GDPD4: variants seen among roughly 807,000 people sequenced by gnomAD.
GDPD4 encodes glycerophosphodiester phosphodiesterase 6.
A neutral mutation model predicts 67.8 loss-of-function variants in GDPD4; 60 were observed. The observed-to-expected ratio is 0.88, with a 90% confidence interval of 0.72 to 1.10. The LOEUF is 1.10. Ranked by LOEUF, GDPD4 falls within the 50% of genes least tolerant of loss-of-function variation. The pLI is 0.00. For missense variants in GDPD4, 623 were observed against 613.9 expected (o/e 1.01, Z -0.16); for synonymous variants, 212 against 210.9 (o/e 1.00, Z -0.04).
chr11:77,232,971 G>C (rs1958480896), intron 14 of GDPD4, 54 bp downstream of exon 14: 2 of 1,574,130 alleles, frequency 1.3e-6, no homozygotes, highest in South Asian at 2.2e-5. Flanking sequence ...GGGCTGGGGG[G>C]CCTGCACTGC....
intron 1 of GDPD4, among the ~76,000 whole-genome samples, chr11:77,300,827 T>C (rs929863931): frequency 6.6e-6 from 1 of 152,102 alleles, no homozygotes; most frequent in Non-Finnish European, 1.5e-5. Flanking sequence ...AAAATCACAA[T>C]GGAAATGAGA....
chr11:77,249,595 G>A (rs369467513), intron 11 of GDPD4, among the ~76,000 whole-genome samples: 97 of 152,256 alleles, frequency 6.4e-4, no homozygotes, highest in African/African-American at 2.2e-3. Flanking sequence ...AGACACAGGT[G>A]AAAGGAGATG....
chr11:77,245,478 G>C lies in GDPD4; in HGVS notation c.889C>G (p.Pro297Ala). ...CTTTCTTTATCTGCCTCTGATAGAGGTTTCATATTGTAAAATGGCCTGAGC... is the reference window on the plus strand; with the variant it reads ...CTTTCTTTATCTGCCTCTGATAGAGCTTTCATATTGTAAAATGGCCTGAGC... ...PELRPFYNMKPLSEADKERAR... is the reference protein window; with the variant it reads ...PELRPFYNMKALSEADKERAR... Residue 297 changes from proline (P) to alanine (A), a missense_variant, in exon 12 of 17, where the codon CCT becomes GCT. By Grantham distance (27) the Pro-to-Ala change is conservative. Transcript: ENST00000315938. The C allele has an allele frequency of 6.2e-7, 1 of 1,613,530 alleles. No individual in the cohort carries two copies. Among genetic ancestry groups the C allele is most frequent in the Non-Finnish European group, 8.5e-7 (1 of 1,179,532 alleles).
At chr11:77,221,836 A>G (rs564605893) in intron 16 of GDPD4, among the ~76,000 whole-genome samples, 1 of 117,944 alleles carries the variant, frequency 8.5e-6, no homozygotes, top group Admixed American at 9.1e-5. Flanking sequence ...GTGGGGTGTT[A>G]AAGTCTCCCA....
intron 3 of GDPD4, among the ~76,000 whole-genome samples, chr11:77,280,992 A>C (rs1959730116): frequency 6.6e-6 from 1 of 152,188 alleles, no homozygotes; most frequent in South Asian, 2.1e-4. Flanking sequence ...ACTCTATGTG[A>C]ATGTGTCCAA....
chr11:77,296,102 T>A (rs1937946861), intron 1 of GDPD4, among the ~76,000 whole-genome samples: 1 of 151,276 alleles, frequency 6.6e-6, no homozygotes, highest in African/African-American at 2.4e-5. Flanking sequence ...ATACAAAAAA[T>A]TAGCCAGGCA....
chr11:77,227,954 TA>T, intron 15 of GDPD4, 38 bp from the exon 16 acceptor site: 1 of 1,380,384 alleles, frequency 7.2e-7, no homozygotes, highest in Non-Finnish European at 1.0e-6. Flanking sequence ...TGAAGGGGTC[TA>T]AAGAATCATG....
intron 11 of GDPD4, among the ~76,000 whole-genome samples, chr11:77,257,020 A>T (rs1190599414): frequency 2.0e-5 from 3 of 152,206 alleles, no homozygotes; most frequent in African/African-American, 7.2e-5. Flanking sequence ...AACATGATCA[A>T]ACGGCCCTCA....
At chr11:77,285,825 A>G (rs1388527880) in intron 2 of GDPD4, among the ~76,000 whole-genome samples, 2 of 152,188 alleles carry the variant, frequency 1.3e-5, no homozygotes, top group Non-Finnish European at 2.9e-5. Flanking sequence ...CAGGGGCAGG[A>G]CTAGAACCCA....
intron 13 of GDPD4, among the ~76,000 whole-genome samples, chr11:77,239,531 T>C (rs1958624624): frequency 6.6e-6 from 1 of 152,230 alleles, no homozygotes; most frequent in Non-Finnish European, 1.5e-5. Flanking sequence ...GTAGCATTTC[T>C]TTCTATGTAC....
intron 13 of GDPD4, among the ~76,000 whole-genome samples, chr11:77,236,546 AT>A (rs1265863991): frequency 5.3e-5 from 8 of 152,236 alleles, no homozygotes; most frequent in Non-Finnish European, 1.2e-4. Flanking sequence ...AAAAAGACTT[AT>A]TAAGCAAACA....
chr11:77,221,131 G>A (rs1477292274), intron 16 of GDPD4, among the ~76,000 whole-genome samples: 1 of 151,840 alleles, frequency 6.6e-6, no homozygotes, highest in Admixed American at 6.6e-5. Flanking sequence ...GCATCTAATT[G>A]ATTCTTCTCT....
chr11:77,218,548 C>G (rs1203275787), intron 16 of GDPD4, among the ~76,000 whole-genome samples: 1 of 152,118 alleles, frequency 6.6e-6, no homozygotes, highest in Non-Finnish European at 1.5e-5. Flanking sequence ...CATACCCCCA[C>G]CCCACGACAG....
At chr11:77,254,669 G>T (rs1958970395) in intron 11 of GDPD4, among the ~76,000 whole-genome samples, 1 of 152,068 alleles carries the variant, frequency 6.6e-6, no homozygotes, top group Non-Finnish European at 1.5e-5. Context: ...TTCACAAAAG[G>T]ATATAACAAA....
chr11:77,226,422 A>T (rs191239826), intron 16 of GDPD4, among the ~76,000 whole-genome samples: 1 of 152,174 alleles, frequency 6.6e-6, no homozygotes, highest in East Asian at 1.9e-4. Flanking sequence ...AGGAAGAGAG[A>T]CCCGAGATCC....
At chr11:77,220,315 AC>A (rs1057178403) in intron 16 of GDPD4, among the ~76,000 whole-genome samples, 3 of 152,116 alleles carry the variant, frequency 2.0e-5, no homozygotes, top group African/African-American at 7.2e-5. Flanking sequence ...TCCAGTTTTT[AC>A]CCATTCAGTA....
At chr11:77,285,684 A>C (rs2135888773) in intron 2 of GDPD4, among the ~76,000 whole-genome samples, 1 of 152,292 alleles carries the variant, frequency 6.6e-6, no homozygotes, top group African/African-American at 2.4e-5. Flanking sequence ...AATGCTAGGG[A>C]ATTTCACAAG....
intron 10 of GDPD4, among the ~76,000 whole-genome samples, chr11:77,262,387 C>G (rs1468121047): frequency 1.3e-5 from 2 of 152,296 alleles, no homozygotes; most frequent in Non-Finnish European, 2.9e-5. Context: ...TAAGGGGGTA[C>G]TGAAGCCATC....
chr11:77,282,203 G>A (rs1051517861), intron 3 of GDPD4, among the ~76,000 whole-genome samples: 5 of 151,870 alleles, frequency 3.3e-5, no homozygotes, highest in African/African-American at 7.3e-5. Context: ...ATAAGACTTC[G>A]GTAAGTCAAG....
Sources: allele counts gnomAD v4.1 joint callset (sites outside exome capture counted in the v4.1 genomes callset), GRCh38; gene constraint gnomAD v4.1.1; transcripts MANE v1.5; gene names NCBI Gene and HGNC (gene_info 2026-07-23, HGNC 2026-07-21).